Variants in RAB2A observed in about 807,000 individuals in gnomAD.
RAB2A encodes the protein RAB2A, member RAS oncogene family, also known as ras-related protein Rab-2A.
RAB2A carries 7 observed loss-of-function variants against 32.5 expected under a neutral mutation model. The ratio of observed to expected loss-of-function variants is 0.22; its 90% CI spans 0.12 to 0.40. The LOEUF (loss-of-function observed/expected upper bound fraction) is 0.40, where lower values mean the gene tolerates loss of function less well. RAB2A is among the 10% of genes least tolerant of loss of function. RAB2A has a pLI of 1.00. For synonymous variants in RAB2A, 79 were observed against 85.2 expected (o/e 0.93, Z 0.40); for missense variants, 108 against 260.7 (o/e 0.41, Z 4.03).
chr8:60,570,054 A>G (rs1268799580), intron 2 of RAB2A: 2 of 456,036 alleles, frequency 4.4e-6, no homozygotes, highest in African/African-American at 2.0e-5. Flanking sequence ...TGGAATGGTC[A>G]CAGGTCAGTT....
chr8:60,595,669 C>T (rs1276390741), intron 6 of RAB2A, among the ~76,000 whole-genome samples: 1 of 151,904 alleles, frequency 6.6e-6, no homozygotes, highest in Non-Finnish European at 1.5e-5. Flanking sequence ...AAGAATCAGC[C>T]CTCCAGAAAG....
chr8:60,609,370 C>T (rs603239), intron 6 of RAB2A, among the ~76,000 whole-genome samples: 34,756 of 152,106 alleles, frequency 0.23, 4,061 homozygotes, highest in Middle Eastern at 0.38. Context: ...ACTTCTTCTT[C>T]TCCTTATTCC....
At chr8:60,548,770 T>C (rs1807790336) in intron 1 of RAB2A, among the ~76,000 whole-genome samples, 1 of 132,788 alleles carries the variant, frequency 7.5e-6, no homozygotes, top group Non-Finnish European at 1.6e-5. Context: ...GGCGGGGGGC[T>C]GATCCCCCCA....
At chr8:60,592,429 A>G (rs546748248) in intron 6 of RAB2A, among the ~76,000 whole-genome samples, 32 of 152,316 alleles carry the variant, frequency 2.1e-4, no homozygotes, top group African/African-American at 7.2e-4. Flanking sequence ...TGGGAGGGAA[A>G]CAAGGAACCA....
chr8:60,521,309 G>A (rs953357445), intron 1 of RAB2A, among the ~76,000 whole-genome samples: 3 of 152,124 alleles, frequency 2.0e-5, no homozygotes, highest in African/African-American at 4.8e-5. Flanking sequence ...GGAATGTCTG[G>A]TATGTAGTTG....
Position 60,584,586 on chromosome 8 carries a change from A to T in RAB2A, c.270-137A>T, listed in dbSNP as rs1186791488. The T allele has an allele frequency of 1.3e-5, 9 of 685,056 alleles. No individual in the cohort carries two copies. In the Admixed American group the frequency reaches 2.8e-4, roughly 21 times the overall value. 42.4% of individuals were successfully genotyped at this position (685,056 alleles called of 1,614,324 possible). A position where few individuals can be genotyped will look rare whatever the true frequency, so the allele number is the denominator to read the frequency against. On this transcript the variant is annotated intron_variant, in intron 4 of 7. Coordinates refer to ENST00000262646, the MANE Select transcript of RAB2A (RefSeq NM_002865.3). The stretch of plus-strand genomic sequence containing the variant: ...TACAATCAGTGAACTCTAAACCCAG[A>T]TATGGTGCTTAAAACTACTTCTCGT...
rs1804555087 is a variant in RAB2A, at chr8:60,623,093, T to A, written c.*2324T>A. The A allele has an allele frequency of 6.6e-6, 1 of 152,214 alleles. No homozygotes were observed. Among genetic ancestry groups the A allele is most frequent in the Non-Finnish European group, 1.5e-5 (1 of 68,038 alleles). The allele number at this position is 152,214 out of a possible 1,614,324, so 9.4% of individuals were successfully genotyped here. On this transcript the variant is annotated 3_prime_UTR_variant, in exon 8 of 8. Transcript: ENST00000262646. Reference sequence around the variant, plus strand: ...ATAAACACAGCTTTCAATGTCTCACTCAACATGTAACATTCAAAATTGTGA... The same window carrying A: ...ATAAACACAGCTTTCAATGTCTCACACAACATGTAACATTCAAAATTGTGA...
At chr8:60,570,592 A>G (rs1808182885) in intron 2 of RAB2A, among the ~76,000 whole-genome samples, 2 of 152,186 alleles carry the variant, frequency 1.3e-5, no homozygotes, top group Non-Finnish European at 2.9e-5. Context: ...AGATGCATAT[A>G]TATGTAAACA....
At chr8:60,551,271 C>T (rs991057195) in intron 1 of RAB2A, among the ~76,000 whole-genome samples, 1 of 152,218 alleles carries the variant, frequency 6.6e-6, no homozygotes, top group African/African-American at 2.4e-5. Context: ...TATAGTCTTT[C>T]ATCCCATTCC....
chr8:60,538,811 T>C (rs1807595472), intron 1 of RAB2A, among the ~76,000 whole-genome samples: 1 of 152,150 alleles, frequency 6.6e-6, no homozygotes, highest in African/African-American at 2.4e-5. Flanking sequence ...TCAGTCTCAC[T>C]TGAAGGACAG....
intron 3 of RAB2A, among the ~76,000 whole-genome samples, chr8:60,573,447 G>T (rs1241462239): frequency 1.3e-5 from 2 of 152,150 alleles, no homozygotes; most frequent in Non-Finnish European, 2.9e-5. Flanking sequence ...TGGGACCTGG[G>T]TTTCCTGATA....
chr8:60,574,599 T>G (rs796158318), intron 3 of RAB2A, among the ~76,000 whole-genome samples: 3 of 152,352 alleles, frequency 2.0e-5, no homozygotes, highest in African/African-American at 7.2e-5. Context: ...ATTCTTAAAG[T>G]AGTCCCTTAA....
At chr8:60,582,492 T>C (rs963348322) in intron 3 of RAB2A, among the ~76,000 whole-genome samples, 2 of 152,132 alleles carry the variant, frequency 1.3e-5, no homozygotes, top group Non-Finnish European at 2.9e-5. Flanking sequence ...ACTAAGACAT[T>C]AGGATTTCTT....
intron 1 of RAB2A, among the ~76,000 whole-genome samples, chr8:60,527,208 C>G (rs755321645): frequency 1.3e-5 from 2 of 152,128 alleles, no homozygotes; most frequent in Non-Finnish European, 2.9e-5. Context: ...TGAGAACTCA[C>G]TGTCACTGAG....
intron 5 of RAB2A, among the ~76,000 whole-genome samples, chr8:60,590,596 ATAATAC>A (rs900480654): frequency 6.8e-6 from 1 of 147,764 alleles, no homozygotes; most frequent in African/African-American, 2.5e-5. Context: ...TTATATATAT[ATAATAC>A]ATATATATAT....
In RAB2A at chr8:60,517,299, C is replaced by A. The variant is rs774294116; in HGVS notation, c.46+46C>A. 3 of 1,463,302 alleles carry A rather than the reference C, an allele frequency of 2.1e-6. No individual in the cohort carries two copies. In the South Asian group the frequency reaches 4.0e-5, roughly 19 times the overall value. 90.6% of individuals were successfully genotyped at this position (1,463,302 alleles called of 1,614,324 possible). On this transcript the variant is annotated intron_variant, in intron 1 of 7. Coordinates refer to ENST00000262646, the MANE Select transcript of RAB2A (RefSeq NM_002865.3). The stretch of plus-strand genomic sequence containing the variant: ...CGGGCGGGTGTCGGCGGCCTCCGGA[C>A]CCGGGCTGAGGGGCAAACGGCGTCT...
chr8:60,523,319 G>A lies in RAB2A; in HGVS notation c.46+6066G>A, dbSNP rs528217000. Among the ~76,000 whole-genome samples, 1,171 of 151,920 alleles carry A rather than the reference G, an allele frequency of 7.7e-3. 14 individuals carry two copies. Among genetic ancestry groups the A allele is most frequent in the African/African-American group, 0.026 (1,062 of 41,416 alleles). On this transcript the variant is annotated intron_variant, in intron 1 of 7. Coordinates refer to ENST00000262646, the MANE Select transcript of RAB2A (RefSeq NM_002865.3). ...ACTACAGGCGCCCGCCACCACGCCC[G>A]GCTAATTTTTTGTATTTTTAGTGAA...
chr8:60,529,133 C>T (rs73257495), intron 1 of RAB2A, among the ~76,000 whole-genome samples: 12,438 of 150,754 alleles, frequency 0.083, 1,551 homozygotes, highest in African/African-American at 0.27. Flanking sequence ...AAAATCTTTT[C>T]ATTATTGATT....
intron 1 of RAB2A, among the ~76,000 whole-genome samples, chr8:60,556,868 A>T (rs985197400): frequency 2.0e-5 from 3 of 152,164 alleles, no homozygotes; most frequent in Non-Finnish European, 4.4e-5. Flanking sequence ...CTCTCAAGAA[A>T]ACATGTGATT....
Sources: gnomAD v4.1 joint callset for allele counts (sites outside exome capture counted in the v4.1 genomes callset) on GRCh38, gnomAD v4.1.1 for gene constraint, MANE v1.5 for transcripts, NCBI Gene and HGNC (gene_info 2026-07-23, HGNC 2026-07-21) for gene names.